Variants in GXYLT2 observed in about 807,000 individuals in gnomAD.
GXYLT2 encodes the protein glycosyltransferase 8 domain containing 4.
In GXYLT2, 53 loss-of-function variants were observed where a neutral mutation model predicts 45.8. The ratio of observed to expected loss-of-function variants is 1.16; its 90% CI spans 0.93 to 1.46. The LOEUF is 1.46. Ranked by LOEUF, GXYLT2 falls within the 40% of genes most tolerant of loss-of-function variation. The pLI is 0.00. For missense variants in GXYLT2, 551 were observed against 544.4 expected (o/e 1.01, Z -0.12); for synonymous variants, 219 against 214.2 (o/e 1.02, Z -0.19).
chr3:72,913,329 C>T (rs1019774130), intron 2 of GXYLT2, among the ~76,000 whole-genome samples: 29 of 151,642 alleles, frequency 1.9e-4, no homozygotes, highest in African/African-American at 6.8e-4. Context: ...TGAGCCACCG[C>T]GCCCGGCCTC....
At chr3:72,968,123 G>A (rs536012472) in intron 6 of GXYLT2, among the ~76,000 whole-genome samples, 33 of 152,066 alleles carry the variant, frequency 2.2e-4, no homozygotes, top group Non-Finnish European at 4.0e-4. Flanking sequence ...ACAGACACGC[G>A]CCGCCATGCC....
intron 2 of GXYLT2, among the ~76,000 whole-genome samples, chr3:72,909,012 C>T (rs552253750): frequency 6.6e-6 from 1 of 152,062 alleles, no homozygotes; most frequent in South Asian, 2.1e-4. Context: ...AGGCATGTGC[C>T]ACCATGCCCA....
chr3:72,906,240 G>A (rs1025780103), intron 1 of GXYLT2, among the ~76,000 whole-genome samples: 2 of 152,100 alleles, frequency 1.3e-5, no homozygotes, highest in African/African-American at 4.8e-5. Context: ...GCAGGCGGGG[G>A]TCCTCACTTT....
chr3:72,973,664 G>A lies in GXYLT2; in HGVS notation c.1150-1313G>A, dbSNP rs150960041. Among the ~76,000 whole-genome samples the A allele has an allele frequency of 9.3e-4, 141 of 152,298 alleles. 1 individual carries two copies. The highest frequency in any genetic ancestry group is 3.4e-3 in the Middle Eastern group (1 of 294). On this transcript the variant is annotated intron_variant, in intron 6 of 6. Coordinates refer to ENST00000389617, the MANE Select transcript of GXYLT2 (RefSeq NM_001080393.2). ...AATGGGAAGAAGTCGCCATATTTGGGATATGCTGTTGAGATAGAGTTTACA... is the reference window on the plus strand; with the variant it reads ...AATGGGAAGAAGTCGCCATATTTGGAATATGCTGTTGAGATAGAGTTTACA...
intron 3 of GXYLT2, among the ~76,000 whole-genome samples, chr3:72,934,690 A>G (rs2107117762): frequency 6.6e-6 from 1 of 152,316 alleles, no homozygotes; most frequent in South Asian, 2.1e-4. Context: ...TGGGCAAAAT[A>G]TTGGAAATTC....
chr3:72,895,075 G>A (rs1279937710), intron 1 of GXYLT2, among the ~76,000 whole-genome samples: 2 of 152,220 alleles, frequency 1.3e-5, no homozygotes, highest in Non-Finnish European at 1.5e-5. Context: ...AGGGAACAGC[G>A]TAAGGGCAAA....
intron 3 of GXYLT2, among the ~76,000 whole-genome samples, chr3:72,952,456 A>G (rs1710546996): frequency 6.6e-6 from 1 of 152,138 alleles, no homozygotes; most frequent in African/African-American, 2.4e-5. Flanking sequence ...TCAGGTCTGA[A>G]GTTCCTTTGA....
intron 6 of GXYLT2, among the ~76,000 whole-genome samples, chr3:72,971,256 T>C (rs1437996955): frequency 6.6e-6 from 1 of 152,236 alleles, no homozygotes; most frequent in Non-Finnish European, 1.5e-5. Context: ...ATGATTCTGC[T>C]TAGTACACTC....
intron 1 of GXYLT2, among the ~76,000 whole-genome samples, chr3:72,900,916 A>G (rs13089164): frequency 0.29 from 43,824 of 151,700 alleles, 6,708 homozygotes; most frequent in Non-Finnish European, 0.34. Flanking sequence ...GCACTTTGGG[A>G]GGCCAAGGTG....
At chr3:72,946,017 C>A (rs967305343) in intron 3 of GXYLT2, among the ~76,000 whole-genome samples, 1 of 152,042 alleles carries the variant, frequency 6.6e-6, no homozygotes, top group Non-Finnish European at 1.5e-5. Flanking sequence ...TGGCTCACAC[C>A]TGTAATACCA....
intron 1 of GXYLT2, among the ~76,000 whole-genome samples, chr3:72,900,706 C>G (rs62249896): frequency 0.29 from 43,790 of 151,474 alleles, 6,669 homozygotes; most frequent in Non-Finnish European, 0.34. Flanking sequence ...GCATGAGTTA[C>G]CACACCCAGC....
intron 6 of GXYLT2, among the ~76,000 whole-genome samples, chr3:72,973,895 C>A (rs1382717997): frequency 6.6e-6 from 1 of 152,066 alleles, no homozygotes; most frequent in African/African-American, 2.4e-5. Context: ...TGGGAGAGAA[C>A]CTTCTTGCAT....
intron 1 of GXYLT2, among the ~76,000 whole-genome samples, chr3:72,890,633 T>C (rs963569181): frequency 1.3e-5 from 2 of 152,212 alleles, no homozygotes; most frequent in African/African-American, 2.4e-5. Context: ...AGAAACACTG[T>C]AGATTTTTGG....
chr3:72,900,172 C>T (rs773810673), intron 1 of GXYLT2, among the ~76,000 whole-genome samples: 22 of 152,096 alleles, frequency 1.4e-4, no homozygotes, highest in Non-Finnish European at 2.9e-4. Context: ...ACATAAATGC[C>T]GTATTTCATT....
chr3:72,942,625 C>T (rs1444969525), intron 3 of GXYLT2, among the ~76,000 whole-genome samples: 2 of 152,084 alleles, frequency 1.3e-5, no homozygotes, highest in South Asian at 2.1e-4. Context: ...TATGCCCAGG[C>T]GTGTTTCACC....
At position 72,975,368 on chromosome 3, in the gene GXYLT2, G is replaced by GTA; in HGVS notation, c.*209_*210insTA. ...TTTCTAAAATGCTATTTATCTCTAA[G>GTA]GAAAAAAAAAAAAGACTATTACTCA... On this transcript the variant is annotated 3_prime_UTR_variant, in exon 7 of 7. Coordinates refer to ENST00000389617, the MANE Select transcript of GXYLT2 (RefSeq NM_001080393.2). 6.4e-6 allele frequency: 2 copies of GTA among 314,858 alleles called. No individual in the cohort carries two copies. Among genetic ancestry groups the GTA allele is most frequent in the Non-Finnish European group, 1.0e-5 (2 of 190,974 alleles). 19.5% of individuals were successfully genotyped at this position (314,858 alleles called of 1,614,324 possible). A position where few individuals can be genotyped will look rare whatever the true frequency, so the allele number is the denominator to read the frequency against.
intron 2 of GXYLT2, among the ~76,000 whole-genome samples, chr3:72,917,813 A>G (rs1266643004): frequency 6.6e-6 from 1 of 152,144 alleles, no homozygotes; most frequent in South Asian, 2.1e-4. Flanking sequence ...ACATTGTAAA[A>G]ACCAGTAAAT....
At chr3:72,908,708 A>G (rs1444344561) in intron 2 of GXYLT2, 149 bp downstream of exon 2, 2 of 650,894 alleles carry the variant, frequency 3.1e-6, no homozygotes, top group Non-Finnish European at 5.2e-6. Flanking sequence ...TTTTGGTAAA[A>G]CAGGGATAAT....
rs1575769248 is a variant in GXYLT2 at position 72,888,402 on chromosome 3, C to T, written c.169C>T (p.Pro57Ser). ...PAPVPARWPG[P>S]GALPGASPGV... ...GCCTGTCCCCGCGCGCTGGCCGGGG[C>T]CGGGCGCCCTCCCCGGGGCCAGCCC... The change falls in exon 1 of 7, where the codon CCG (proline) becomes TCG (serine). Residue 57 changes from proline to serine, a missense_variant. Coordinates refer to ENST00000389617, the MANE Select transcript of GXYLT2 (RefSeq NM_001080393.2). 2.0e-6 allele frequency: 2 copies of T among 1,008,360 alleles called. No individual in the cohort carries two copies. The highest frequency in any genetic ancestry group is 1.2e-6 in the Non-Finnish European group (1 of 846,880). 62.5% of individuals were successfully genotyped at this position (1,008,360 alleles called of 1,614,324 possible). A position where few individuals can be genotyped will look rare whatever the true frequency, so the allele number is the denominator to read the frequency against.
Sources: allele counts gnomAD v4.1 joint callset (sites outside exome capture counted in the v4.1 genomes callset), GRCh38; gene constraint gnomAD v4.1.1; transcripts MANE v1.5; gene names NCBI Gene and HGNC (gene_info 2026-07-23, HGNC 2026-07-21).